LPAR3: variants seen among roughly 807,000 people sequenced by gnomAD.
LPAR3 encodes lysophosphatidic acid receptor 3.
LPAR3 carries 7 observed loss-of-function variants against 17.8 expected under a neutral mutation model. That is an observed-to-expected ratio of 0.39 (90% confidence interval 0.22 to 0.74). The LOEUF (loss-of-function observed/expected upper bound fraction) is 0.74, where lower values mean the gene tolerates loss of function less well. LPAR3 is among the 30% of genes least tolerant of loss of function. The probability of loss-of-function intolerance (pLI) is 0.40; values close to 1 mark genes in which losing one functional copy is unlikely to be tolerated. For synonymous variants in LPAR3, 179 were observed against 179.9 expected (o/e 0.99, Z 0.04); for missense variants, 391 against 453.4 (o/e 0.86, Z 1.25).
intron 1 of LPAR3, among the ~76,000 whole-genome samples, chr1:84,889,935 GA>G (rs1382625742): frequency 7.9e-5 from 12 of 152,124 alleles, no homozygotes; most frequent in Admixed American, 2.0e-4. Flanking sequence ...CTATATAAAT[GA>G]AAAAAACTTA....
At position 84,877,176 on chromosome 1, in the gene LPAR3, T is replaced by C. The variant is rs547436484; in HGVS notation, c.-18-11038A>G. ...AGGAAGAAATAGACTTTTCTTATGATGTCTGGCAAGGGGTAAGGTAATGAC... is the reference window on the plus strand; with the variant it reads ...AGGAAGAAATAGACTTTTCTTATGACGTCTGGCAAGGGGTAAGGTAATGAC... On this transcript the variant is annotated intron_variant, in intron 1 of 2. Transcript: ENST00000370611. Among the ~76,000 whole-genome samples, 5 of 152,346 alleles carry C rather than the reference T, an allele frequency of 3.3e-5. No individual in the cohort carries two copies. The South Asian group carries it at 1.0e-3, about 32-fold the overall frequency.
At chr1:84,857,142 C>A (rs1468584699) in intron 2 of LPAR3, among the ~76,000 whole-genome samples, 1 of 152,100 alleles carries the variant, frequency 6.6e-6, no homozygotes, top group Non-Finnish European at 1.5e-5. Flanking sequence ...CATGATGGCA[C>A]CAACAGTAGG....
At chr1:84,824,409 A>T (rs1659112860) in intron 2 of LPAR3, among the ~76,000 whole-genome samples, 1 of 152,184 alleles carries the variant, frequency 6.6e-6, no homozygotes, top group African/African-American at 2.4e-5. Context: ...ATGACCTAGA[A>T]TCTCTTGCAG....
intron 2 of LPAR3, among the ~76,000 whole-genome samples, chr1:84,863,062 T>C (rs998095530): frequency 2.1e-5 from 3 of 139,674 alleles, no homozygotes; most frequent in African/African-American, 2.6e-5. Flanking sequence ...CTCTCCTCCC[T>C]TTTTTTTTTT....
chr1:84,854,657 T>G (rs1293920173), intron 2 of LPAR3, among the ~76,000 whole-genome samples: 1 of 152,184 alleles, frequency 6.6e-6, no homozygotes, highest in Non-Finnish European at 1.5e-5. Context: ...GTACACTGCC[T>G]AAAACCTAGC....
chr1:84,822,198 A>AT (rs202064980), intron 2 of LPAR3, among the ~76,000 whole-genome samples: 56 of 151,858 alleles, frequency 3.7e-4, no homozygotes, highest in Middle Eastern at 6.8e-3. Flanking sequence ...ATAAGAAGCA[A>AT]TTTTTTTTTA....
chr1:84,866,163 C>A, intron 1 of LPAR3, 25 bp from the exon 2 acceptor site: 1 of 1,504,046 alleles, frequency 6.6e-7, no homozygotes, highest in Middle Eastern at 1.8e-4. Flanking sequence ...AAAGAAGAAA[C>A]AAATATCATT....
In LPAR3 at chr1:84,817,261, T is replaced by TCACACACACACACACACA. The variant is rs71097861; in HGVS notation, c.737-3108_737-3091dup. Reference sequence around the variant, plus strand: ...AGTGATAAATATTTTCCAGGATCTATCACACACACACACACACACACACAC... The same window carrying TCACACACACACACACACA: ...AGTGATAAATATTTTCCAGGATCTATCACACACACACACACACACACACACACACACACACACACACAC... On this transcript the variant is annotated intron_variant, in intron 2 of 2. Transcript: ENST00000370611. 2.9e-3 allele frequency among the ~76,000 whole-genome samples: 424 copies of TCACACACACACACACACA among 147,522 alleles called. 4 individuals are homozygous for TCACACACACACACACACA. Among genetic ancestry groups the TCACACACACACACACACA allele is most frequent in the Non-Finnish European group, 4.1e-3 (272 of 66,952 alleles).
intron 2 of LPAR3, among the ~76,000 whole-genome samples, chr1:84,831,611 CTACT>C (rs1299394378): frequency 3.3e-5 from 5 of 151,800 alleles, no homozygotes; most frequent in African/African-American, 1.2e-4. Flanking sequence ...TCTCATTTGA[CTACT>C]TAAATAGTAC....
chr1:84,813,508 G>C lies in LPAR3; in HGVS notation c.*338C>G, dbSNP rs1037828835. 1 of 232,478 alleles carries C rather than the reference G, an allele frequency of 4.3e-6. No individual in the cohort carries two copies. Among genetic ancestry groups the C allele is most frequent in the African/African-American group, 2.2e-5 (1 of 45,366 alleles). The allele number at this position is 232,478 out of a possible 1,614,324, so 14.4% of individuals were successfully genotyped here. On this transcript the variant is annotated 3_prime_UTR_variant, in exon 3 of 3. Transcript: ENST00000370611. ...AACATTATGATTTATTTTGGTCTAAGCCCTTTCATAACGTCCTTTTAAAAT... is the reference window on the plus strand; with the variant it reads ...AACATTATGATTTATTTTGGTCTAACCCCTTTCATAACGTCCTTTTAAAAT...
At chr1:84,820,124 T>C (rs1659027068) in intron 2 of LPAR3, among the ~76,000 whole-genome samples, 1 of 152,194 alleles carries the variant, frequency 6.6e-6, no homozygotes, top group Non-Finnish European at 1.5e-5. Flanking sequence ...CAACAGTTTG[T>C]CCTAGGTGCA....
chr1:84,860,155 C>CT (rs1306748371), intron 2 of LPAR3, among the ~76,000 whole-genome samples: 2 of 152,206 alleles, frequency 1.3e-5, no homozygotes, highest in African/African-American at 2.4e-5. Flanking sequence ...AACATGATGC[C>CT]TTGATGCCTT....
At chr1:84,837,141 C>A (rs1659420236) in intron 2 of LPAR3, among the ~76,000 whole-genome samples, 1 of 151,668 alleles carries the variant, frequency 6.6e-6, no homozygotes, top group Non-Finnish European at 1.5e-5. Context: ...CCTGCCTTAG[C>A]CTCCTGAGTA....
intron 2 of LPAR3, among the ~76,000 whole-genome samples, chr1:84,822,997 C>A (rs1038969253): frequency 6.6e-6 from 1 of 152,084 alleles, no homozygotes; most frequent in Non-Finnish European, 1.5e-5. Flanking sequence ...TGTTTTTAGT[C>A]CAGGAAAAAG....
At chr1:84,888,136 A>C (rs1660492769) in intron 1 of LPAR3, among the ~76,000 whole-genome samples, 1 of 113,704 alleles carries the variant, frequency 8.8e-6, no homozygotes. Context: ...TTTTATATAT[A>C]TATATATACA....
At chr1:84,885,806 G>A (rs1249077675) in intron 1 of LPAR3, among the ~76,000 whole-genome samples, 1 of 152,176 alleles carries the variant, frequency 6.6e-6, no homozygotes, top group East Asian at 1.9e-4. Context: ...ACTGGTTACT[G>A]TATGCAAATA....
chr1:84,877,532 C>T (rs1300605915), intron 1 of LPAR3, among the ~76,000 whole-genome samples: 1 of 152,218 alleles, frequency 6.6e-6, no homozygotes, highest in Non-Finnish European at 1.5e-5. Flanking sequence ...CCTCATCTCA[C>T]TGTAGCATTC....
At chr1:84,875,799 T>C (rs17116880) in intron 1 of LPAR3, among the ~76,000 whole-genome samples, 5,287 of 152,234 alleles carry the variant, frequency 0.035, 260 homozygotes, top group African/African-American at 0.11. Context: ...CATATTCCCT[T>C]TCTCATTCCA....
At chr1:84,821,604 T>A (rs998800290) in intron 2 of LPAR3, among the ~76,000 whole-genome samples, 1 of 152,192 alleles carries the variant, frequency 6.6e-6, no homozygotes, top group African/African-American at 2.4e-5. Flanking sequence ...AGGTGTGATC[T>A]AGGCATCTCC....
Sources: allele counts gnomAD v4.1 joint callset (sites outside exome capture counted in the v4.1 genomes callset), GRCh38; gene constraint gnomAD v4.1.1; transcripts MANE v1.5; gene names NCBI Gene and HGNC (gene_info 2026-07-23, HGNC 2026-07-21).